SLC46A1: variants seen among roughly 807,000 people sequenced by gnomAD.
The protein encoded by SLC46A1 is proton-coupled folate transporter.
A neutral mutation model predicts 32.1 loss-of-function variants in SLC46A1; 17 were observed. That is an observed-to-expected ratio of 0.53 (90% CI 0.36 to 0.79). The LOEUF (loss-of-function observed/expected upper bound fraction) is 0.79, where lower values mean the gene tolerates loss of function less well. SLC46A1 is among the 30% of genes least tolerant of loss of function. The pLI is 0.00. For missense variants in SLC46A1, 517 were observed against 588.2 expected (o/e 0.88, Z 1.25); for synonymous variants, 240 against 262.7 (o/e 0.91, Z 0.84).
rs2068124472 is a variant in SLC46A1 at position 28,396,406 on chromosome 17, TCTCC to T, written c.*3246_*3249del. ...ACCTGGGCTCTTCTTAGGAAATGGC[TCTCC>T]CTCCCCCTGTCCCCCACCCTCATGG... On this transcript the variant is annotated 3_prime_UTR_variant, in exon 5 of 5. Coordinates refer to ENST00000612814, the MANE Select transcript of SLC46A1 (RefSeq NM_080669.6). 1 of 1,200,332 alleles carries T rather than the reference TCTCC, an allele frequency of 8.3e-7. No homozygotes were observed. Among genetic ancestry groups the T allele is most frequent in the Admixed American group, 1.9e-5 (1 of 51,906 alleles). 74.4% of individuals were successfully genotyped at this position (1,200,332 alleles called of 1,614,324 possible).
At position 28,395,107 on chromosome 17, in the gene SLC46A1, T is replaced by TA. The variant is rs1448848930; in HGVS notation, c.*4548dup. 6.6e-6 allele frequency: 1 copy of TA among 152,162 alleles called. No individual in the cohort carries two copies. Among genetic ancestry groups the TA allele is most frequent in the Non-Finnish European group, 1.5e-5 (1 of 68,022 alleles). The allele number at this position is 152,162 out of a possible 1,614,324, so 9.4% of individuals were successfully genotyped here. On this transcript the variant is annotated 3_prime_UTR_variant, in exon 5 of 5. Transcript: ENST00000612814. ...ATTCCTGTCAAGGCTCAGAATAACT[T>TA]AAAGTTCCAAGAGCTTTAGGTTTGA...
chr17:28,404,993 T>C lies in SLC46A1; in HGVS notation c.704A>G (p.Lys235Arg). The C allele has an allele frequency of 6.2e-7, 1 of 1,613,984 alleles. No homozygotes were observed. The highest frequency in any genetic ancestry group is 1.6e-4 in the Middle Eastern group (1 of 6,062). ...YAAFCFGETLKEPKSTRLFTF... is the reference protein window; with the variant it reads ...YAAFCFGETLREPKSTRLFTF... ...GAAGAGCCGGGTGGACTTTGGCTCC[T>C]TTAAGGTCTCACCAAAGCAGAAAGC... Residue 235 changes from lysine to arginine, a missense_variant, in exon 2 of 5, where the codon AAG (lysine) becomes AGG (arginine). Transcript: ENST00000612814.
At chr17:28,399,773 G>A in intron 4 of SLC46A1, 60 bp from the exon 5 acceptor site, 1 of 1,580,884 alleles carries the variant, frequency 6.3e-7, no homozygotes. Context: ...GGCCTGTCTG[G>A]AGAAGTGACA....
chr17:28,405,663 C>A, intron 1 of SLC46A1, 195 bp from the exon 2 acceptor site: 1 of 950,688 alleles, frequency 1.1e-6, no homozygotes, highest in South Asian at 1.7e-5. Flanking sequence ...CCTTTCCTTT[C>A]CCCCCCCTTT....
chr17:28,400,558 C>G (rs1328204056), intron 4 of SLC46A1, 52 bp downstream of exon 4: 1 of 1,603,260 alleles, frequency 6.2e-7, no homozygotes, highest in Non-Finnish European at 8.5e-7. Context: ...GAAGAGGAAA[C>G]TTTTAAGAGA....
At chr17:28,404,451 A>AT (rs782208140) in intron 2 of SLC46A1, 165 bp downstream of exon 2, 1 of 867,090 alleles carries the variant, frequency 1.2e-6, no homozygotes, top group South Asian at 1.6e-5. Flanking sequence ...CAAAGATGGC[A>AT]TTTTTGAGGG....
rs41297921 is a variant in SLC46A1, at chr17:28,397,584, C to G, written c.*2072G>C. 2.6e-5 allele frequency: 4 copies of G among 152,326 alleles called. No individual in the cohort carries two copies. The highest frequency in any genetic ancestry group is 2.6e-4 in the Admixed American group (4 of 15,304). The allele number at this position is 152,326 out of a possible 1,614,324, so 9.4% of individuals were successfully genotyped here. On this transcript the variant is annotated 3_prime_UTR_variant, in exon 5 of 5. Coordinates refer to ENST00000612814, the MANE Select transcript of SLC46A1 (RefSeq NM_080669.6). ...GATCCAGACCTAGGCCTCCTGGCAC[C>G]CAGTCCACTGGCAGTGGAATTGCTT...
At position 28,399,531 on chromosome 17, in the gene SLC46A1, A is replaced by G; in HGVS notation, c.*125T>C. 1.0e-6 allele frequency: 1 copy of G among 964,500 alleles called. No individual in the cohort carries two copies. Among genetic ancestry groups the G allele is most frequent in the Non-Finnish European group, 1.6e-6 (1 of 622,992 alleles). The allele number at this position is 964,500 out of a possible 1,614,324, so 59.7% of individuals were successfully genotyped here. On this transcript the variant is annotated 3_prime_UTR_variant, in exon 5 of 5. Coordinates refer to ENST00000612814, the MANE Select transcript of SLC46A1 (RefSeq NM_080669.6). ...TTGGTCTCTCTTGACTACCTCGTCCAAAGAGAGCACTGCCCTTAGACAAGA... is the reference window on the plus strand; with the variant it reads ...TTGGTCTCTCTTGACTACCTCGTCCGAAGAGAGCACTGCCCTTAGACAAGA...
In SLC46A1 at chr17:28,398,386, CA is replaced by C. The variant is rs1236260444; in HGVS notation, c.*1269del. 1 of 152,388 alleles carries C rather than the reference CA, an allele frequency of 6.6e-6. No homozygotes were observed. The highest frequency in any genetic ancestry group is 1.9e-4 in the East Asian group (1 of 5,202). The allele number at this position is 152,388 out of a possible 1,614,324, so 9.4% of individuals were successfully genotyped here. A position where few individuals can be genotyped will look rare whatever the true frequency, so the allele number is the denominator to read the frequency against. On this transcript the variant is annotated 3_prime_UTR_variant, in exon 5 of 5. Transcript: ENST00000612814. ...GCCCCAGCTGGAACAGCTGAAGTCA[CA>C]AGCCTCCTCTAAGCCAAGGCCAGTG... is the stretch of plus-strand genomic sequence containing the variant.
chr17:28,399,850 G>T (rs1026576413), intron 4 of SLC46A1, 137 bp from the exon 5 acceptor site: 2 of 837,010 alleles, frequency 2.4e-6, no homozygotes, highest in East Asian at 2.5e-5. Flanking sequence ...AAGCTGAGAA[G>T]CTGAGAGCTG....
Position 28,395,615 on chromosome 17 carries a change from T to G in SLC46A1, c.*4041A>C. 1 of 353,272 alleles carries G rather than the reference T, an allele frequency of 2.8e-6. No homozygotes were observed. The highest frequency in any genetic ancestry group is 5.3e-6 in the Non-Finnish European group (1 of 188,816). 21.9% of individuals were successfully genotyped at this position (353,272 alleles called of 1,614,324 possible). A position where few individuals can be genotyped will look rare whatever the true frequency, so the allele number is the denominator to read the frequency against. ...CCTGAAACTATCTAGGCTACCCCCATAGCACCCCCCGGGCCCCCAGTGGGG... is the reference window on the plus strand; with the variant it reads ...CCTGAAACTATCTAGGCTACCCCCAGAGCACCCCCCGGGCCCCCAGTGGGG... On this transcript the variant is annotated 3_prime_UTR_variant, in exon 5 of 5. Coordinates refer to ENST00000612814, the MANE Select transcript of SLC46A1 (RefSeq NM_080669.6).
At position 28,405,019 on chromosome 17, in the gene SLC46A1, T is replaced by G; in HGVS notation, c.678A>C (p.Ala226=). 6 of 1,613,954 alleles carry G rather than the reference T, an allele frequency of 3.7e-6. No individual in the cohort carries two copies. The highest frequency in any genetic ancestry group is 5.1e-6 in the Non-Finnish European group (6 of 1,179,880). ...LALLIAMTLY[A]AFCFGETLKE... is the part of the protein sequence containing the mutation. The stretch of plus-strand genomic sequence containing the variant: ...TTAAGGTCTCACCAAAGCAGAAAGC[T>G]GCATAGAGAGTCATGGCTATCAGCA... The change falls in exon 2 of 5, where the codon GCA becomes GCC. Residue 226 remains alanine (A), a synonymous_variant. Transcript: ENST00000612814.
At chr17:28,404,474 T>C (rs980169623) in intron 2 of SLC46A1, 142 bp downstream of exon 2, 1 of 1,072,648 alleles carries the variant, frequency 9.3e-7, no homozygotes, top group Non-Finnish European at 1.4e-6. Context: ...TTCTTAGTTG[T>C]CTGTTCTCCA....
chr17:28,405,098 C>T lies in SLC46A1; in HGVS notation c.599G>A (p.Gly200Asp). The T allele has an allele frequency of 6.8e-6, 11 of 1,613,812 alleles. No individual in the cohort carries two copies. Among genetic ancestry groups the T allele is most frequent in the Non-Finnish European group, 8.5e-6 (10 of 1,179,846 alleles). Residue 200 changes from glycine to aspartate, a missense_variant, in exon 2 of 5, where the codon GGC (glycine) becomes GAC (aspartate). Transcript: ENST00000612814. Reference sequence around the variant, plus strand: ...ATAACCCTGGGCCCGGAGCCAGTGGCCCCCGAGGAGGCTTGCCAGCATCCC... The same window carrying T: ...ATAACCCTGGGCCCGGAGCCAGTGGTCCCCGAGGAGGCTTGCCAGCATCCC... Reference protein sequence around the residue: ...VAGMLASLLGGHWLRAQGYAN... With the variant: ...VAGMLASLLGDHWLRAQGYAN...
chr17:28,404,965 C>A lies in SLC46A1; in HGVS notation c.732G>T (p.Thr244=), dbSNP rs782240737. The A allele has an allele frequency of 6.2e-7, 1 of 1,613,988 alleles. No homozygotes were observed. Among genetic ancestry groups the A allele is most frequent in the Non-Finnish European group, 8.5e-7 (1 of 1,179,892 alleles). The change falls in exon 2 of 5, where the codon ACG becomes ACT. Residue 244 remains threonine (T), a synonymous_variant. Coordinates refer to ENST00000612814, the MANE Select transcript of SLC46A1 (RefSeq NM_080669.6). ...LKEPKSTRLF[T]FRHHRSIVQL... is the part of the protein sequence containing the mutation. ...GGACAATGGATCGGTGGTGACGGAA[C>A]GTGAAGAGCCGGGTGGACTTTGGCT... is the stretch of plus-strand genomic sequence containing the variant.
Position 28,405,925 on chromosome 17 carries a change from C to T in SLC46A1, c.190G>A (p.Gly64Arg), listed in dbSNP as rs782360877. ...DLGYNGTRQRGGCSNRSADPT... is the reference protein window; with the variant it reads ...DLGYNGTRQRRGCSNRSADPT... ...TCCGCGCTGCGGTTGCTGCAGCCCC[C>T]CCTTTGGCGGGTGCCATTGTAGCCG... The change falls in exon 1 of 5, where the codon GGG becomes AGG. Residue 64 changes from glycine to arginine, a missense_variant. Gly to Arg is a moderately radical substitution (Grantham distance 125, BLOSUM62 -2). Transcript: ENST00000612814. 6.2e-7 allele frequency: 1 copy of T among 1,609,586 alleles called. No homozygotes were observed. The highest frequency in any genetic ancestry group is 8.5e-7 in the Non-Finnish European group (1 of 1,178,616).
At position 28,404,946 on chromosome 17, in the gene SLC46A1, T is replaced by C; in HGVS notation, c.751A>G (p.Ile251Val). 1 of 1,613,968 alleles carries C rather than the reference T, an allele frequency of 6.2e-7. No homozygotes were observed. Among genetic ancestry groups the C allele is most frequent in the African/African-American group, 1.3e-5 (1 of 75,024 alleles). ...RLFTFRHHRS[I>V]VQLYVAPAPE... ...GCGGGAGCCACATAGAGCTGGACAATGGATCGGTGGTGACGGAACGTGAAG... is the reference window on the plus strand; with the variant it reads ...GCGGGAGCCACATAGAGCTGGACAACGGATCGGTGGTGACGGAACGTGAAG... Residue 251 changes from isoleucine (I) to valine (V), a missense_variant, in exon 2 of 5, where the codon ATT becomes GTT. Coordinates refer to ENST00000612814, the MANE Select transcript of SLC46A1 (RefSeq NM_080669.6).
Position 28,395,326 on chromosome 17 carries a change from T to A in SLC46A1, c.*4330A>T, listed in dbSNP as rs1164023618. 1 of 152,778 alleles carries A rather than the reference T, an allele frequency of 6.5e-6. No homozygotes were observed. Among genetic ancestry groups the A allele is most frequent in the Non-Finnish European group, 1.5e-5 (1 of 68,610 alleles). The allele number at this position is 152,778 out of a possible 1,614,324, so 9.5% of individuals were successfully genotyped here. On this transcript the variant is annotated 3_prime_UTR_variant, in exon 5 of 5. Transcript: ENST00000612814. ...AGCCAAATGGAAGAGATACATAGGA[T>A]CTCTACGTATGGAGGGTGGAGGTGT...
chr17:28,401,556 T>C (rs765876552), intron 3 of SLC46A1: 2 of 152,406 alleles, frequency 1.3e-5, no homozygotes, highest in Non-Finnish European at 2.9e-5. Context: ...GAAGCTGTTC[T>C]TTATAGATAT....
Sources: allele counts gnomAD v4.1 joint callset, GRCh38; gene constraint gnomAD v4.1.1; transcripts MANE v1.5; gene names NCBI Gene and HGNC (gene_info 2026-07-23, HGNC 2026-07-21).